The following CAST variants were observed in gnomAD, a reference collection of about 807,000 sequenced individuals.
The protein encoded by CAST is calpastatin.
Under a neutral mutation model 119.6 loss-of-function variants are expected in CAST, and 76 were observed. That is an observed-to-expected ratio of 0.64 (90% CI 0.53 to 0.77). CAST has a LOEUF of 0.77. Ranked by LOEUF, CAST falls within the 30% of genes least tolerant of loss-of-function variation. The pLI is 0.00. For missense variants in CAST, 953 were observed against 946.5 expected, an observed-to-expected ratio of 1.01 and a Z score of -0.09; for synonymous variants, 319 against 331.6, an observed-to-expected ratio of 0.96 and a Z score of 0.41.
At chr5:96,735,172 C>T (rs1467861184) in intron 9 of CAST, among the ~76,000 whole-genome samples, 1 of 152,232 alleles carries the variant, frequency 6.6e-6, no homozygotes, top group African/African-American at 2.4e-5. Flanking sequence ...CAAGTACTTA[C>T]ATAGTGCTGA....
the CAST span, among the ~76,000 whole-genome samples, chr5:96,418,275 A>G: frequency 6.6e-6 from 1 of 152,252 alleles, no homozygotes; most frequent in Non-Finnish European, 1.5e-5. Context: ...GAGGTGCTGC[A>G]GTAAAGAACT....
chr5:96,108,068 G>A, the CAST span, among the ~76,000 whole-genome samples: 48,709 of 150,218 alleles, frequency 0.32, 7,487 homozygotes, highest in South Asian at 0.42. Flanking sequence ...TTGGTTTTCA[G>A]CTCCATCAGC....
the CAST span, among the ~76,000 whole-genome samples, chr5:95,987,989 A>G: frequency 6.6e-6 from 1 of 152,216 alleles, no homozygotes; most frequent in Admixed American, 6.5e-5. Flanking sequence ...TCTACATTCT[A>G]CAGGATCTAC....
intron 11 of CAST, among the ~76,000 whole-genome samples, chr5:96,738,935 CAAA>C (rs34687945): frequency 4.5e-5 from 4 of 88,174 alleles, no homozygotes; most frequent in African/African-American, 4.8e-5. Flanking sequence ...GACTCCATCT[CAAA>C]AAAAAAAAAA....
At chr5:96,449,795 G>A in the CAST span, among the ~76,000 whole-genome samples, 65 of 152,202 alleles carry the variant, frequency 4.3e-4, no homozygotes, top group African/African-American at 1.5e-3. Context: ...GTTTGGACAG[G>A]ACTCTCTTTA....
At position 96,729,662 on chromosome 5, in the gene CAST, C is replaced by T. The variant is rs1760046007; in HGVS notation, c.486C>T (p.His162=). The T allele has an allele frequency of 6.2e-7, 1 of 1,605,948 alleles. No homozygotes were observed. The highest frequency in any genetic ancestry group is 1.1e-5 in the South Asian group (1 of 90,868). The change falls in exon 8 of 32, where the codon CAC becomes CAT. Residue 162 remains histidine, a synonymous_variant. Transcript: ENST00000675179. ...QASDTGSNDA[H]NKKAVSRSAE... ...CAGATACAGGAAGTAACGATGCTCACAATAAAAAAGCAGTTTCCAGATCAG... is the reference window on the plus strand; with the variant it reads ...CAGATACAGGAAGTAACGATGCTCATAATAAAAAAGCAGTTTCCAGATCAG...
chr5:96,513,284 A>G, the CAST span, among the ~76,000 whole-genome samples: 4 of 152,222 alleles, frequency 2.6e-5, no homozygotes, highest in African/African-American at 4.8e-5. Flanking sequence ...ACCACAGCGA[A>G]CAGAACAAAC....
the CAST span, among the ~76,000 whole-genome samples, chr5:96,497,961 C>G: frequency 6.6e-6 from 1 of 152,146 alleles, no homozygotes; most frequent in Non-Finnish European, 1.5e-5. Flanking sequence ...AATGGTATTG[C>G]CTAGGTTTTC....
At chr5:96,770,682 C>T (rs1458124893) in intron 30 of CAST, 80 bp downstream of exon 30, 3 of 932,808 alleles carry the variant, frequency 3.2e-6, no homozygotes, top group East Asian at 4.9e-5. Flanking sequence ...CATTTAGTTT[C>T]CTACTGGAAT....
chr5:96,240,941 C>T, the CAST span, among the ~76,000 whole-genome samples: 1,457 of 152,122 alleles, frequency 9.6e-3, 30 homozygotes, highest in African/African-American at 0.034. Context: ...GAATACTATA[C>T]AGCTACAATA....
intron 12 of CAST, 78 bp from the exon 13 acceptor site, chr5:96,740,667 C>G: frequency 9.8e-7 from 1 of 1,023,934 alleles, no homozygotes; most frequent in Non-Finnish European, 1.5e-6. Flanking sequence ...CAATTCAACC[C>G]ACAACGGGCA....
At chr5:96,040,271 G>A in the CAST span, among the ~76,000 whole-genome samples, 1 of 152,094 alleles carries the variant, frequency 6.6e-6, no homozygotes, top group South Asian at 2.1e-4. Flanking sequence ...GGAGATTTTG[G>A]GCTGGGACGA....
chr5:96,578,394 T>C (rs1746712567), intron 1 of CAST, among the ~76,000 whole-genome samples: 1 of 151,590 alleles, frequency 6.6e-6, no homozygotes, highest in African/African-American at 2.4e-5. Context: ...AGAAAATAGG[T>C]AATACAATCT....
the CAST span, chr5:96,110,894 G>A: frequency 6.6e-6 from 1 of 152,156 alleles, no homozygotes; most frequent in Admixed American, 6.5e-5. Context: ...CAGTTTCTCT[G>A]CTCACAACAT....
chr5:96,288,039 T>C, the CAST span, among the ~76,000 whole-genome samples: 3 of 152,180 alleles, frequency 2.0e-5, no homozygotes, highest in African/African-American at 7.2e-5. Context: ...AATATTTCAC[T>C]TTTTAAAAAG....
At chr5:96,367,828 A>G in the CAST span, among the ~76,000 whole-genome samples, 1 of 151,664 alleles carries the variant, frequency 6.6e-6, no homozygotes, top group South Asian at 2.1e-4. Context: ...TGCACCCTCT[A>G]TCCTGCACCC....
chr5:96,532,597 C>T (rs1168159712), intron 1 of CAST, among the ~76,000 whole-genome samples: 1 of 152,194 alleles, frequency 6.6e-6, no homozygotes, highest in African/African-American at 2.4e-5. Flanking sequence ...CACCTGGAAT[C>T]TCAGCACTTT....
chr5:96,676,806 G>A (rs922580175), intron 2 of CAST, among the ~76,000 whole-genome samples: 1 of 151,640 alleles, frequency 6.6e-6, no homozygotes, highest in African/African-American at 2.4e-5. Flanking sequence ...TGTAATCCCA[G>A]CACTTTGGGA....
the CAST span, among the ~76,000 whole-genome samples, chr5:96,129,505 A>G: frequency 6.6e-6 from 1 of 152,100 alleles, no homozygotes. Flanking sequence ...AGAAGGAATT[A>G]CAATAGGACA....
Sources: gnomAD v4.1 joint callset for allele counts (sites outside exome capture counted in the v4.1 genomes callset) on GRCh38, gnomAD v4.1.1 for gene constraint, MANE v1.5 for transcripts, NCBI Gene and HGNC (gene_info 2026-07-23, HGNC 2026-07-21) for gene names.